The following DYM variants were observed in gnomAD, a reference collection of about 807,000 sequenced individuals.
The protein encoded by DYM is dymeclin.
DYM carries 78 observed loss-of-function variants against 93.1 expected under a neutral mutation model. The observed-to-expected ratio is 0.84, with a 90% CI of 0.70 to 1.01. DYM has a LOEUF of 1.01. Among genes scored for constraint, DYM ranks in the 50% least tolerant of loss-of-function variants. The pLI is 0.00. For missense variants in DYM, 789 were observed against 845.0 expected, an observed-to-expected ratio of 0.93 and a Z score of 0.82; for synonymous variants, 321 against 319.7, an observed-to-expected ratio of 1.00 and a Z score of -0.04.
chr18:49,104,208 CTGTT>C (rs1488615621), intron 16 of DYM, among the ~76,000 whole-genome samples: 1 of 152,076 alleles, frequency 6.6e-6, no homozygotes, highest in African/African-American at 2.4e-5. Context: ...ATTTGGCTCT[CTGTT>C]TGTCTGTTAT....
chr18:49,328,160 G>C (rs1026236946), intron 8 of DYM, among the ~76,000 whole-genome samples: 3 of 152,156 alleles, frequency 2.0e-5, no homozygotes, highest in African/African-American at 4.8e-5. Flanking sequence ...TGCTCAAAAC[G>C]TGGCACTGTA....
At chr18:49,364,985 C>A (rs1262817759) in intron 5 of DYM, among the ~76,000 whole-genome samples, 1 of 152,134 alleles carries the variant, frequency 6.6e-6, no homozygotes, top group Non-Finnish European at 1.5e-5. Flanking sequence ...ATTATGCCAT[C>A]ATTTTTTGTC....
chr18:49,118,607 TA>T, intron 16 of DYM, 136 bp downstream of exon 16: 1 of 797,808 alleles, frequency 1.3e-6, no homozygotes, highest in East Asian at 2.7e-5. Context: ...ACAACTATTA[TA>T]GTAAAATAGA....
intron 6 of DYM, among the ~76,000 whole-genome samples, chr18:49,348,503 C>T (rs1420683726): frequency 6.6e-6 from 1 of 152,140 alleles, no homozygotes; most frequent in Non-Finnish European, 1.5e-5. Context: ...AGTCTCAGAA[C>T]TGCCACTCAG....
At chr18:49,319,216 C>T (rs879766018) in intron 8 of DYM, among the ~76,000 whole-genome samples, 19 of 152,198 alleles carry the variant, frequency 1.2e-4, no homozygotes, top group Admixed American at 1.2e-3. Flanking sequence ...TGCTAGTCTA[C>T]ACTTTCTAAA....
chr18:49,220,444 C>A (rs1301706731), intron 13 of DYM, among the ~76,000 whole-genome samples: 2 of 150,956 alleles, frequency 1.3e-5, no homozygotes, highest in Admixed American at 6.6e-5. Flanking sequence ...CCCACATTGC[C>A]AAGTCAATCC....
intron 17 of DYM, among the ~76,000 whole-genome samples, chr18:49,051,722 T>C (rs937993065): frequency 2.0e-5 from 3 of 152,242 alleles, no homozygotes; most frequent in Non-Finnish European, 4.4e-5. Flanking sequence ...AGCTGCTCTG[T>C]GGCCTGGGAG....
intron 6 of DYM, among the ~76,000 whole-genome samples, chr18:49,347,797 T>C (rs761071300): frequency 1.3e-5 from 2 of 152,218 alleles, no homozygotes; most frequent in African/African-American, 2.4e-5. Context: ...GAAACCAAAA[T>C]TCTACCATGC....
chr18:49,375,637 T>A (rs1382906198), intron 5 of DYM: 1 of 152,196 alleles, frequency 6.6e-6, no homozygotes, highest in Admixed American at 6.5e-5. Flanking sequence ...CTATGAAATG[T>A]AGAATAATAC....
At chr18:49,447,266 A>C (rs939059862) in intron 1 of DYM, 15 of 152,188 alleles carry the variant, frequency 9.9e-5, no homozygotes, top group Non-Finnish European at 2.9e-5. Context: ...AAGAGACCAG[A>C]AAGTACCTTT....
intron 17 of DYM, among the ~76,000 whole-genome samples, chr18:49,088,346 T>C (rs2145352616): frequency 1.3e-5 from 2 of 152,240 alleles, no homozygotes; most frequent in East Asian, 3.9e-4. Flanking sequence ...TAGCCAGTTT[T>C]CCCAGCACCA....
chr18:49,130,379 C>T (rs1389559834), intron 15 of DYM, among the ~76,000 whole-genome samples: 1 of 152,172 alleles, frequency 6.6e-6, no homozygotes, highest in Non-Finnish European at 1.5e-5. Context: ...AAAGGTCTCC[C>T]CATTTACAGG....
intron 17 of DYM, among the ~76,000 whole-genome samples, chr18:49,055,949 C>T (rs373533165): frequency 6.6e-6 from 1 of 152,176 alleles, no homozygotes; most frequent in Non-Finnish European, 1.5e-5. Flanking sequence ...AATGGAACAA[C>T]GGCTTCCCGC....
At chr18:49,313,961 G>GA (rs1257262298) in intron 8 of DYM, among the ~76,000 whole-genome samples, 1 of 150,666 alleles carries the variant, frequency 6.6e-6, no homozygotes, top group Admixed American at 6.6e-5. Flanking sequence ...AACATCACAT[G>GA]AAAAAAACAC....
At chr18:49,215,073 C>G (rs370191463) in intron 13 of DYM, among the ~76,000 whole-genome samples, 2 of 152,214 alleles carry the variant, frequency 1.3e-5, no homozygotes, top group East Asian at 1.9e-4. Flanking sequence ...TATGTAAATT[C>G]TAACAATTAG....
chr18:49,060,768 G>GGA (rs2075921314), intron 17 of DYM, among the ~76,000 whole-genome samples: 1 of 145,884 alleles, frequency 6.9e-6, no homozygotes, highest in Non-Finnish European at 1.5e-5. Flanking sequence ...AGAGAGAGGG[G>GGA]GAGAGAGGGA....
intron 15 of DYM, among the ~76,000 whole-genome samples, chr18:49,153,106 T>A (rs1012226717): frequency 2.6e-5 from 4 of 152,214 alleles, no homozygotes; most frequent in East Asian, 1.9e-4. Flanking sequence ...AGATCATAAG[T>A]GTTCTCATCA....
intron 1 of DYM, among the ~76,000 whole-genome samples, chr18:49,452,647 C>T (rs1420317070): frequency 5.1e-5 from 7 of 137,884 alleles, no homozygotes; most frequent in South Asian, 2.3e-4. Context: ...AAGTCACTGC[C>T]GTGGGCTCCT....
At chr18:49,246,047 C>A (rs2094156751) in intron 13 of DYM, among the ~76,000 whole-genome samples, 1 of 152,014 alleles carries the variant, frequency 6.6e-6, no homozygotes, top group Non-Finnish European at 1.5e-5. Context: ...TCACAGTGGC[C>A]CTAGGACAGT....
Sources: gnomAD v4.1 joint callset for allele counts (sites outside exome capture counted in the v4.1 genomes callset) on GRCh38, gnomAD v4.1.1 for gene constraint, MANE v1.5 for transcripts, NCBI Gene and HGNC (gene_info 2026-07-23, HGNC 2026-07-21) for gene names.